The following GNRHR variants were observed in gnomAD, a reference collection of about 807,000 sequenced individuals.
The protein encoded by GNRHR is gonadotropin-releasing hormone receptor.
Under a neutral mutation model 28.1 loss-of-function variants are expected in GNRHR, and 14 were observed. The ratio of observed to expected loss-of-function variants is 0.50; its 90% CI spans 0.33 to 0.78. GNRHR has a LOEUF of 0.78. GNRHR is among the 30% of genes least tolerant of loss of function. The pLI is 0.02. For missense variants in GNRHR, 366 were observed against 382.1 expected, an observed-to-expected ratio of 0.96 and a Z score of 0.35; for synonymous variants, 141 against 140.5, an observed-to-expected ratio of 1.00 and a Z score of -0.02.
intron 1 of GNRHR, among the ~76,000 whole-genome samples, chr4:67,749,707 TTTCCTTCCTTCC>T (rs946894984): frequency 6.9e-6 from 1 of 144,922 alleles, no homozygotes; most frequent in African/African-American, 2.5e-5. Flanking sequence ...TCCTTCCTTC[TTTCCTTCCTTCC>T]TTCCTTCCGT....
chr4:67,738,217 A>G lies in GNRHR; in HGVS notation c.*2263T>C, dbSNP rs1203335937. Reference sequence around the variant, plus strand: ...ATAGATTATGTTATATTTTTATTGTAATAGATTTCTTTATATATATACAAA... The same window carrying G: ...ATAGATTATGTTATATTTTTATTGTGATAGATTTCTTTATATATATACAAA... On this transcript the variant is annotated 3_prime_UTR_variant, in exon 3 of 3. Coordinates refer to ENST00000226413, the MANE Select transcript of GNRHR (RefSeq NM_000406.3). Among the ~76,000 whole-genome samples the G allele has an allele frequency of 6.6e-6, 1 of 151,766 alleles. No individual in the cohort carries two copies. Among genetic ancestry groups the G allele is most frequent in the Non-Finnish European group, 1.5e-5 (1 of 67,812 alleles).
At chr4:67,749,762 A>G (rs1460000628) in intron 1 of GNRHR, among the ~76,000 whole-genome samples, 1 of 150,894 alleles carries the variant, frequency 6.6e-6, no homozygotes, top group Non-Finnish European at 1.5e-5. Context: ...TACCTCCAAG[A>G]CTTGAATTAC....
chr4:67,741,138 G>A (rs1358628133), intron 2 of GNRHR, among the ~76,000 whole-genome samples: 4 of 151,994 alleles, frequency 2.6e-5, no homozygotes, highest in Admixed American at 2.6e-4. Flanking sequence ...TGAGATCTCG[G>A]TGGACCCATC....
chr4:67,742,285 C>A (rs941144828), intron 2 of GNRHR, among the ~76,000 whole-genome samples: 8 of 152,074 alleles, frequency 5.3e-5, no homozygotes, highest in East Asian at 3.9e-4. Context: ...GCCAATTATC[C>A]CAGCACCATT....
chr4:67,754,326 T>C lies in GNRHR; in HGVS notation c.10A>G (p.Ser4Gly). 6.2e-7 allele frequency: 1 copy of C among 1,610,194 alleles called. No homozygotes were observed. The highest frequency in any genetic ancestry group is 1.7e-5 in the Admixed American group (1 of 60,018). The change falls in exon 1 of 3, where the codon AGT (serine) becomes GGT (glycine). Residue 4 changes from serine (S) to glycine (G), a missense_variant. Transcript: ENST00000226413. MAN[S>G]ASPEQNQNHC... ...TTTTGATTCTGTTCAGGAGAGGCAC[T>C]GTTTGCCATATTTTCCCAGGACAGA... is the stretch of plus-strand genomic sequence containing the variant.
intron 1 of GNRHR, among the ~76,000 whole-genome samples, chr4:67,749,926 C>T (rs759255665): frequency 3.9e-5 from 6 of 152,004 alleles, no homozygotes; most frequent in African/African-American, 7.2e-5. Flanking sequence ...CTTAAAGAAC[C>T]AACAATTCCA....
chr4:67,750,811 A>C (rs1482942726), intron 1 of GNRHR, among the ~76,000 whole-genome samples: 1 of 152,208 alleles, frequency 6.6e-6, no homozygotes, highest in East Asian at 1.9e-4. Context: ...TAGGCACAAT[A>C]GGACGTGCCT....
intron 2 of GNRHR, among the ~76,000 whole-genome samples, chr4:67,742,279 A>G (rs2109982157): frequency 6.6e-6 from 1 of 152,268 alleles, no homozygotes; most frequent in East Asian, 1.9e-4. Flanking sequence ...TGGCTAGCCA[A>G]TTATCCCAGC....
Position 67,740,835 on chromosome 4 carries a change from T to C in GNRHR, c.743-111A>G, listed in dbSNP as rs965332741. ...TTCAACTTAATCAATGGGAGAAAAT[T>C]TCCATTATTTTAAATAATAATAATT... On this transcript the variant is annotated intron_variant, in intron 2 of 2. Transcript: ENST00000226413. The C allele has an allele frequency of 9.2e-6, 7 of 762,938 alleles. No individual in the cohort carries two copies. The African/African-American group carries it at 1.0e-4, about 11-fold the overall frequency. The allele number at this position is 762,938 out of a possible 1,614,324, so 47.3% of individuals were successfully genotyped here. A position where few individuals can be genotyped will look rare whatever the true frequency, so the allele number is the denominator to read the frequency against.
chr4:67,751,091 C>T (rs1731856810), intron 1 of GNRHR, among the ~76,000 whole-genome samples: 1 of 152,142 alleles, frequency 6.6e-6, no homozygotes, highest in African/African-American at 2.4e-5. Flanking sequence ...GCTTTTTGAA[C>T]TGCAGGATAT....
intron 2 of GNRHR, among the ~76,000 whole-genome samples, chr4:67,744,057 G>T (rs1179916993): frequency 1.3e-5 from 2 of 152,110 alleles, no homozygotes; most frequent in African/African-American, 2.4e-5. Context: ...AGCAAAAAAG[G>T]TACAAACACA....
intron 1 of GNRHR, among the ~76,000 whole-genome samples, chr4:67,747,556 T>G (rs1438938325): frequency 2.6e-5 from 4 of 152,072 alleles, no homozygotes; most frequent in Non-Finnish European, 4.4e-5. Flanking sequence ...AAAAGATGGG[T>G]AGTGCGTGGT....
At chr4:67,752,685 CTTA>C (rs1731892453) in intron 1 of GNRHR, among the ~76,000 whole-genome samples, 3 of 151,974 alleles carry the variant, frequency 2.0e-5, no homozygotes, top group Non-Finnish European at 4.4e-5. Flanking sequence ...TCCCATTATT[CTTA>C]TTATGAAACA....
In GNRHR at chr4:67,738,236, A is replaced by G. The variant is rs1231172432; in HGVS notation, c.*2244T>C. Among the ~76,000 whole-genome samples the G allele has an allele frequency of 2.0e-5, 3 of 151,964 alleles. No homozygotes were observed. The South Asian group carries it at 6.2e-4, about 31-fold the overall frequency. On this transcript the variant is annotated 3_prime_UTR_variant, in exon 3 of 3. Coordinates refer to ENST00000226413, the MANE Select transcript of GNRHR (RefSeq NM_000406.3). Reference sequence around the variant, plus strand: ...TATTGTAATAGATTTCTTTATATATATACAAAGTCAACTAGGACTTCTTAA... The same window carrying G: ...TATTGTAATAGATTTCTTTATATATGTACAAAGTCAACTAGGACTTCTTAA...
intron 1 of GNRHR, among the ~76,000 whole-genome samples, chr4:67,745,354 G>A (rs1003690732): frequency 2.0e-5 from 3 of 151,536 alleles, no homozygotes; most frequent in Non-Finnish European, 4.4e-5. Flanking sequence ...CCAAATCTGG[G>A]GCAGTTTAAG....
Position 67,739,523 on chromosome 4 carries a change from T to A in GNRHR, c.*957A>T, listed in dbSNP as rs1731616124. On this transcript the variant is annotated 3_prime_UTR_variant, in exon 3 of 3. Transcript: ENST00000226413. Reference sequence around the variant, plus strand: ...GCTGTAGTTTTCTCTCCAGAGTTCCTTTTGTGTATCAAGCATCTTTTTGCT... The same window carrying A: ...GCTGTAGTTTTCTCTCCAGAGTTCCATTTGTGTATCAAGCATCTTTTTGCT... 1 of 152,108 alleles carries A rather than the reference T, an allele frequency of 6.6e-6. No homozygotes were observed. The highest frequency in any genetic ancestry group is 6.6e-5 in the Admixed American group (1 of 15,254). The allele number at this position is 152,108 out of a possible 1,614,324, so 9.4% of individuals were successfully genotyped here.
Position 67,737,826 on chromosome 4 carries a change from A to G in GNRHR, c.*2654T>C, listed in dbSNP as rs1480817337. Reference sequence around the variant, plus strand: ...ACCAAGATAGAATCTCCAATATCTGATATATTAGATTGACTCTGTGGAACA... The same window carrying G: ...ACCAAGATAGAATCTCCAATATCTGGTATATTAGATTGACTCTGTGGAACA... On this transcript the variant is annotated 3_prime_UTR_variant, in exon 3 of 3. Coordinates refer to ENST00000226413, the MANE Select transcript of GNRHR (RefSeq NM_000406.3). 6.6e-5 allele frequency among the ~76,000 whole-genome samples: 10 copies of G among 151,992 alleles called. No individual in the cohort carries two copies. The highest frequency in any genetic ancestry group is 6.6e-4 in the Admixed American group (10 of 15,256).
chr4:67,740,275 A>G lies in GNRHR; in HGVS notation c.*205T>C. 3.7e-6 allele frequency: 2 copies of G among 539,328 alleles called. No homozygotes were observed. The highest frequency in any genetic ancestry group is 6.6e-6 in the Non-Finnish European group (2 of 301,842). The allele number at this position is 539,328 out of a possible 1,614,324, so 33.4% of individuals were successfully genotyped here. A position where few individuals can be genotyped will look rare whatever the true frequency, so the allele number is the denominator to read the frequency against. ...AGATTAATTTAGAAGCTTATGAGGA[A>G]GAGAAAATATTTTAGTATTTTTCCT... On this transcript the variant is annotated 3_prime_UTR_variant, in exon 3 of 3. Transcript: ENST00000226413.
intron 2 of GNRHR, 116 bp from the exon 3 acceptor site, chr4:67,740,840 T>G: frequency 1.3e-6 from 1 of 741,844 alleles, no homozygotes; most frequent in South Asian, 1.6e-5. Flanking sequence ...AAAATTTCCA[T>G]TATTTTAAAT....
Sources: allele counts gnomAD v4.1 joint callset (sites outside exome capture counted in the v4.1 genomes callset), GRCh38; gene constraint gnomAD v4.1.1; transcripts MANE v1.5; gene names NCBI Gene and HGNC (gene_info 2026-07-23, HGNC 2026-07-21).